The following FNDC3A variants were observed in gnomAD, a reference collection of about 807,000 sequenced individuals.
FNDC3A encodes the protein fibronectin type-III domain-containing protein 3A.
In FNDC3A, 32 loss-of-function variants were observed where a neutral mutation model predicts 148.9. The observed-to-expected ratio is 0.21, with a 90% CI of 0.16 to 0.29. The LOEUF (loss-of-function observed/expected upper bound fraction) is 0.29, where lower values mean the gene tolerates loss of function less well. Among genes scored for constraint, FNDC3A ranks in the 10% least tolerant of loss-of-function variants. The pLI, the probability that FNDC3A is intolerant of heterozygous loss-of-function variation, is 1.00. For synonymous variants in FNDC3A, 472 were observed against 473.6 expected (o/e 1.00, Z 0.04); for missense variants, 1,191 against 1,452.8 (o/e 0.82, Z 2.93).
rs767193469 is a variant in FNDC3A at position 49,198,505 on chromosome 13, A to T, written c.2918A>T (p.Glu973Val). 1 of 1,614,196 alleles carries T rather than the reference A, an allele frequency of 6.2e-7. No individual in the cohort carries two copies. The highest frequency in any genetic ancestry group is 8.5e-7 in the Non-Finnish European group (1 of 1,180,018). Residue 973 changes from glutamate (E) to valine (V), a missense_variant, in exon 23 of 26, where the codon GAA (glutamate) becomes GTA (valine). Around this residue, in one of 3 missense-constraint regions of FNDC3A, gnomAD observed 751 missense variants for 944.0 expected, o/e 0.80. Transcript: ENST00000492622. ...SHQNLKLKWG[E>V]GTPKTLSTDS... ...CAGAACCTTAAGCTGAAATGGGGAG[A>T]AGGAACTCCAAAGACATTGTCAACC...
chr13:49,022,230 A>G (rs1050635018), intron 2 of FNDC3A, among the ~76,000 whole-genome samples: 1 of 152,176 alleles, frequency 6.6e-6, no homozygotes, highest in African/African-American at 2.4e-5. Flanking sequence ...TGTCCAGAGG[A>G]AACTAAAGAC....
chr13:48,992,716 A>T (rs1266622557), intron 1 of FNDC3A, among the ~76,000 whole-genome samples: 1 of 152,202 alleles, frequency 6.6e-6, no homozygotes, highest in African/African-American at 2.4e-5. Flanking sequence ...TATGTCAGTT[A>T]TACCTCAGTA....
At chr13:49,182,405 C>T (rs1308261116) in intron 14 of FNDC3A, among the ~76,000 whole-genome samples, 1 of 152,114 alleles carries the variant, frequency 6.6e-6, no homozygotes, top group African/African-American at 2.4e-5. Context: ...GGGCTAGGAC[C>T]TGGTGTCTAA....
At chr13:49,110,293 A>G in intron 3 of FNDC3A, 5 of 1,518,756 alleles carry the variant, frequency 3.3e-6, no homozygotes, top group Non-Finnish European at 4.4e-6. Context: ...TTCCTCTTAC[A>G]GCCTTGCAAA....
intron 4 of FNDC3A, among the ~76,000 whole-genome samples, chr13:49,128,034 A>C (rs1881807275): frequency 6.6e-6 from 1 of 152,120 alleles, no homozygotes; most frequent in South Asian, 2.1e-4. Flanking sequence ...GGTGCGTGCC[A>C]CCATGCCCAG....
intron 2 of FNDC3A, among the ~76,000 whole-genome samples, chr13:49,016,910 T>C (rs1452402919): frequency 2.7e-5 from 4 of 150,836 alleles, no homozygotes; most frequent in Non-Finnish European, 5.9e-5. Flanking sequence ...AGTTGAGCGG[T>C]TTTGAGTGAG....
At chr13:49,100,106 G>A (rs1879770359) in intron 3 of FNDC3A, among the ~76,000 whole-genome samples, 1 of 152,030 alleles carries the variant, frequency 6.6e-6, no homozygotes, top group Non-Finnish European at 1.5e-5. Flanking sequence ...AAGAATAATT[G>A]TTCCATTTAT....
chr13:49,145,446 C>T (rs556535278), intron 7 of FNDC3A, among the ~76,000 whole-genome samples: 104 of 152,274 alleles, frequency 6.8e-4, no homozygotes, highest in Admixed American at 7.8e-4. Context: ...TTGTCATCCT[C>T]CTGTTGTAAA....
intron 2 of FNDC3A, among the ~76,000 whole-genome samples, chr13:49,033,293 T>G (rs1874261979): frequency 6.6e-6 from 1 of 152,216 alleles, no homozygotes; most frequent in Non-Finnish European, 1.5e-5. Flanking sequence ...ATTTGGTTGC[T>G]ATGGTGATAT....
intron 2 of FNDC3A, among the ~76,000 whole-genome samples, chr13:49,060,847 T>C (rs1189037520): frequency 6.6e-6 from 1 of 152,058 alleles, no homozygotes; most frequent in African/African-American, 2.4e-5. Context: ...TAGGGTAGAA[T>C]GTAGAGTGAC....
At chr13:49,062,010 T>C (rs1876931934) in intron 2 of FNDC3A, among the ~76,000 whole-genome samples, 1 of 151,544 alleles carries the variant, frequency 6.6e-6, no homozygotes. Context: ...ATAGTAATAA[T>C]TGATTTAGTA....
intron 1 of FNDC3A, among the ~76,000 whole-genome samples, chr13:48,992,920 C>T (rs1401583191): frequency 6.6e-6 from 1 of 152,138 alleles, no homozygotes; most frequent in Non-Finnish European, 1.5e-5. Context: ...ACATTTAACT[C>T]ATTACTCTGC....
chr13:49,081,611 A>G (rs2137796410), intron 3 of FNDC3A, among the ~76,000 whole-genome samples: 1 of 152,326 alleles, frequency 6.6e-6, no homozygotes, highest in East Asian at 1.9e-4. Flanking sequence ...CTTTTGGGAT[A>G]TATTACTTAT....
intron 1 of FNDC3A, among the ~76,000 whole-genome samples, chr13:48,998,510 C>T (rs1447375553): frequency 6.6e-6 from 1 of 152,094 alleles, no homozygotes; most frequent in Non-Finnish European, 1.5e-5. Context: ...CGTGTTTAGA[C>T]TTGAGTTTCA....
At chr13:49,143,289 C>T (rs767122130) in intron 7 of FNDC3A, among the ~76,000 whole-genome samples, 6 of 151,944 alleles carry the variant, frequency 3.9e-5, no homozygotes, top group South Asian at 2.1e-4. Flanking sequence ...TTTAGGAGGC[C>T]GGGGCAGGAG....
At chr13:49,122,293 T>C (rs1430094503) in intron 4 of FNDC3A, among the ~76,000 whole-genome samples, 2 of 151,766 alleles carry the variant, frequency 1.3e-5, no homozygotes, top group African/African-American at 2.4e-5. Flanking sequence ...TTCAATAAAA[T>C]TGAAGGCCTT....
intron 2 of FNDC3A, among the ~76,000 whole-genome samples, chr13:49,063,344 G>C (rs988401536): frequency 6.6e-6 from 1 of 151,808 alleles, no homozygotes; most frequent in East Asian, 1.9e-4. Flanking sequence ...AAAACATTTA[G>C]GTAAGTTTTT....
Position 49,142,533 on chromosome 13 carries a change from TTCACAC to T in FNDC3A, c.820-3244_820-3239del, listed in dbSNP as rs1882749395. Among the ~76,000 whole-genome samples the T allele has an allele frequency of 2.0e-5, 3 of 152,324 alleles. No homozygotes were observed. In the East Asian group the frequency reaches 5.8e-4, roughly 29 times the overall value. On this transcript the variant is annotated intron_variant, in intron 7 of 25. Transcript: ENST00000492622. ...TACACACACAATTACTACCTCAGTCTTCACACAGGAATTTTGTGGTATCTATGTGGG... is the reference window on the plus strand; with the variant it reads ...TACACACACAATTACTACCTCAGTCTAGGAATTTTGTGGTATCTATGTGGG...
intron 4 of FNDC3A, among the ~76,000 whole-genome samples, chr13:49,126,595 A>G (rs1393132830): frequency 1.3e-5 from 2 of 152,226 alleles, no homozygotes; most frequent in Admixed American, 1.3e-4. Context: ...AAAAGACACT[A>G]GAAGACCTAT....
Sources: gnomAD v4.1 joint callset for allele counts (sites outside exome capture counted in the v4.1 genomes callset) on GRCh38, gnomAD v4.1.1 for gene constraint, gnomAD v4.1.1 regional missense constraint, MANE v1.5 for transcripts, NCBI Gene and HGNC (gene_info 2026-07-23, HGNC 2026-07-21) for gene names.